STX18: variants seen among roughly 807,000 people sequenced by gnomAD.
STX18 encodes the protein syntaxin-18.
STX18 carries 40 observed loss-of-function variants against 50.1 expected under a neutral mutation model. The observed-to-expected ratio is 0.80, with a 90% confidence interval of 0.62 to 1.04. The LOEUF (loss-of-function observed/expected upper bound fraction) is 1.04. Among genes scored for constraint, STX18 ranks in the 50% least tolerant of loss-of-function variants. The pLI, the probability that STX18 is intolerant of heterozygous loss-of-function variation, is 0.00. For synonymous variants in STX18, 158 were observed against 151.8 expected, an observed-to-expected ratio of 1.04 and a Z score of -0.30; for missense variants, 410 against 415.8, an observed-to-expected ratio of 0.99 and a Z score of 0.12.
chr4:4,479,403 A>G (rs1274777676), intron 1 of STX18, among the ~76,000 whole-genome samples: 1 of 152,298 alleles, frequency 6.6e-6, no homozygotes, highest in Non-Finnish European at 1.5e-5. Flanking sequence ...GAGTACAATT[A>G]AGTCACTGCA....
At chr4:4,421,460 G>T (rs1370192620) in intron 9 of STX18, among the ~76,000 whole-genome samples, 1 of 151,970 alleles carries the variant, frequency 6.6e-6, no homozygotes, top group Non-Finnish European at 1.5e-5. Context: ...TCCCTATGTT[G>T]CCCAGGCTGG....
chr4:4,456,828 G>A (rs566022447), intron 5 of STX18, among the ~76,000 whole-genome samples: 6 of 152,298 alleles, frequency 3.9e-5, no homozygotes, highest in East Asian at 3.9e-4. Context: ...CAGCCTCATC[G>A]GGTTAAGAGA....
intron 1 of STX18, among the ~76,000 whole-genome samples, chr4:4,517,516 T>C (rs1730326355): frequency 6.6e-6 from 1 of 152,192 alleles, no homozygotes; most frequent in East Asian, 1.9e-4. Flanking sequence ...TAGAAAGCTT[T>C]ATAATTAAAA....
rs1725349536 is a variant in STX18 at position 4,428,201 on chromosome 4, A to AG, written c.703-2980dup. Among the ~76,000 whole-genome samples the AG allele has an allele frequency of 3.3e-5, 5 of 152,270 alleles. No homozygotes were observed. In the South Asian group the frequency reaches 1.0e-3, roughly 32 times the overall value. ...GGTGGATGTACCACGTGGATATGGG[A>AG]GCCAGTTCTGGGGGCCTTATAGGAA... On this transcript the variant is annotated intron_variant, in intron 7 of 10. Transcript: ENST00000306200.
intron 1 of STX18, among the ~76,000 whole-genome samples, chr4:4,483,543 T>C (rs970875132): frequency 6.6e-6 from 1 of 152,208 alleles, no homozygotes; most frequent in Non-Finnish European, 1.5e-5. Flanking sequence ...TTGGCATTAC[T>C]GAACACATTC....
chr4:4,523,032 A>C (rs1730584722), intron 1 of STX18, among the ~76,000 whole-genome samples: 1 of 152,186 alleles, frequency 6.6e-6, no homozygotes, highest in African/African-American at 2.4e-5. Flanking sequence ...TACTCAAATT[A>C]ATTCTCCAAA....
intron 1 of STX18, among the ~76,000 whole-genome samples, chr4:4,491,709 C>G (rs374022732): frequency 6.6e-6 from 1 of 152,022 alleles, no homozygotes; most frequent in Non-Finnish European, 1.5e-5. Context: ...TGATCACAAG[C>G]CTAGTGATGC....
At chr4:4,520,092 T>C (rs540935394) in intron 1 of STX18, among the ~76,000 whole-genome samples, 4 of 152,194 alleles carry the variant, frequency 2.6e-5, no homozygotes, top group Non-Finnish European at 5.9e-5. Flanking sequence ...TGGAAGAGAA[T>C]TGAAGTGAAA....
At chr4:4,424,514 G>C (rs1367625604) in intron 8 of STX18, among the ~76,000 whole-genome samples, 2 of 152,154 alleles carry the variant, frequency 1.3e-5, no homozygotes, top group African/African-American at 4.8e-5. Context: ...CATCTCTGAG[G>C]GCAGAAGGCG....
chr4:4,482,570 C>T (rs1194688259), intron 1 of STX18, among the ~76,000 whole-genome samples: 1 of 152,250 alleles, frequency 6.6e-6, no homozygotes, highest in African/African-American at 2.4e-5. Context: ...TTGTTAAACA[C>T]TGGCTAAAGG....
intron 7 of STX18, chr4:4,425,490 G>C: frequency 3.5e-6 from 2 of 566,254 alleles, no homozygotes; most frequent in Non-Finnish European, 3.2e-6. Context: ...GACTGCTATG[G>C]CTGTAGCTGT....
At chr4:4,481,873 G>C (rs1408230867) in intron 1 of STX18, among the ~76,000 whole-genome samples, 1 of 152,200 alleles carries the variant, frequency 6.6e-6, no homozygotes. Flanking sequence ...CAGCGAGTTT[G>C]TTGAGGGAAT....
intron 2 of STX18, among the ~76,000 whole-genome samples, chr4:4,467,377 A>G (rs1727667106): frequency 6.6e-6 from 1 of 152,200 alleles, no homozygotes; most frequent in East Asian, 1.9e-4. Context: ...TGGGAGGTTA[A>G]AGGCAAGATG....
intron 2 of STX18, among the ~76,000 whole-genome samples, chr4:4,469,341 A>G (rs183688420): frequency 6.3e-4 from 96 of 152,344 alleles, no homozygotes; most frequent in Middle Eastern, 3.4e-3. Flanking sequence ...CACAGAACCT[A>G]AACTATACTA....
At position 4,420,999 on chromosome 4, in the gene STX18, C is replaced by T; in HGVS notation, c.832-55G>A. The stretch of plus-strand genomic sequence containing the variant: ...GTATCCTTTATCCAAAAACCTGAAA[C>T]CCAAAATGCTCCAACGAGCATTTCC... On this transcript the variant is annotated intron_variant, in intron 9 of 10. Transcript: ENST00000306200. The surrounding 1 kb of genome is among the most constrained non-coding windows in gnomAD (Gnocchi z 4.3). 1 of 1,549,224 alleles carries T rather than the reference C, an allele frequency of 6.5e-7. No individual in the cohort carries two copies. The highest frequency in any genetic ancestry group is 1.1e-5 in the South Asian group (1 of 89,718).
rs59465930 is a variant in STX18, at chr4:4,500,916, A to G, written c.169-29210T>C. 4.4e-3 allele frequency among the ~76,000 whole-genome samples: 663 copies of G among 152,180 alleles called. 8 individuals are homozygous for G. The highest frequency in any genetic ancestry group is 0.015 in the African/African-American group (607 of 41,520). On this transcript the variant is annotated intron_variant, in intron 1 of 10. Transcript: ENST00000306200. ...GCTGGGCGTGGTGGCGGGCGCCTATACCCTCAGCTACTCGGGAGGCTGAAG... is the reference window on the plus strand; with the variant it reads ...GCTGGGCGTGGTGGCGGGCGCCTATGCCCTCAGCTACTCGGGAGGCTGAAG...
chr4:4,460,497 T>G (rs921323623), intron 2 of STX18, among the ~76,000 whole-genome samples: 1 of 151,808 alleles, frequency 6.6e-6, no homozygotes, highest in East Asian at 1.9e-4. Context: ...CAGGCCCTTC[T>G]AAAAAAGAAA....
intron 1 of STX18, among the ~76,000 whole-genome samples, chr4:4,515,664 A>C (rs1218801626): frequency 6.6e-6 from 1 of 152,210 alleles, no homozygotes; most frequent in Non-Finnish European, 1.5e-5. Context: ...TTAGCAGTCT[A>C]CATGTATTTT....
chr4:4,428,995 C>T (rs1273529661), intron 7 of STX18, among the ~76,000 whole-genome samples: 11 of 152,192 alleles, frequency 7.2e-5, no homozygotes, highest in African/African-American at 1.9e-4. Flanking sequence ...ATCTGCTCTA[C>T]GCTGTTACGG....
Sources: allele counts gnomAD v4.1 joint callset (sites outside exome capture counted in the v4.1 genomes callset), GRCh38; gene constraint gnomAD v4.1.1; non-coding constraint Gnocchi (gnomAD v3.1); transcripts MANE v1.5; gene names NCBI Gene and HGNC (gene_info 2026-07-23, HGNC 2026-07-21).